Variants in ZFHX3 observed in about 807,000 individuals in gnomAD.
ZFHX3 encodes zinc finger homeobox protein 3.
Under a neutral mutation model 279.1 loss-of-function variants are expected in ZFHX3, and 42 were observed. That is an observed-to-expected ratio of 0.15 (90% CI 0.12 to 0.19). The LOEUF (loss-of-function observed/expected upper bound fraction) is 0.19, where lower values mean the gene tolerates loss of function less well. ZFHX3 is among the 10% of genes least tolerant of loss of function. The pLI is 1.00. For missense variants in ZFHX3, 4,981 were observed against 4,754.0 expected (o/e 1.05, Z -1.40); for synonymous variants, 2,293 against 1,957.8 (o/e 1.17, Z -4.52).
At chr16:73,408,007 C>T (rs2017395370) in intron 3 of ZFHX3, among the ~76,000 whole-genome samples, 1 of 151,866 alleles carries the variant, frequency 6.6e-6, no homozygotes, top group Non-Finnish European at 1.5e-5. Context: ...AGACTTGGAC[C>T]CCTGGGGAGG....
At chr16:73,494,148 T>C (rs1012781969) in intron 2 of ZFHX3, among the ~76,000 whole-genome samples, 2 of 152,170 alleles carry the variant, frequency 1.3e-5, no homozygotes, top group African/African-American at 4.8e-5. Context: ...AAACTTTGTG[T>C]CTGATCAAGT....
At chr16:73,034,294 A>C (rs1250014433) in intron 1 of ZFHX3, among the ~76,000 whole-genome samples, 2 of 152,128 alleles carry the variant, frequency 1.3e-5, no homozygotes, top group Non-Finnish European at 2.9e-5. Flanking sequence ...AGAAAGCAGA[A>C]ATCCAAATAA....
At chr16:73,010,302 T>C (rs1213534038) in intron 1 of ZFHX3, among the ~76,000 whole-genome samples, 3 of 152,010 alleles carry the variant, frequency 2.0e-5, no homozygotes, top group Admixed American at 6.5e-5. Context: ...AGTTCAAGAC[T>C]CTGCACCGTT....
At chr16:73,766,027 C>T (rs1162585787) in intron 1 of ZFHX3, among the ~76,000 whole-genome samples, 1 of 152,142 alleles carries the variant, frequency 6.6e-6, no homozygotes, top group African/African-American at 2.4e-5. Context: ...AACTCCTGAC[C>T]TATCTAGTCC....
At chr16:73,643,083 A>G (rs2052588043) in intron 2 of ZFHX3, among the ~76,000 whole-genome samples, 1 of 152,228 alleles carries the variant, frequency 6.6e-6, no homozygotes, top group African/African-American at 2.4e-5. Flanking sequence ...TGCTAAGCAT[A>G]AGAGATTTTG....
chr16:73,626,537 A>G (rs74864954), intron 2 of ZFHX3, among the ~76,000 whole-genome samples: 5,862 of 152,280 alleles, frequency 0.038, 393 homozygotes, highest in African/African-American at 0.13. Context: ...CATTTGATCA[A>G]TGACCTCCAG....
intron 1 of ZFHX3, among the ~76,000 whole-genome samples, chr16:73,699,287 T>C (rs1018699154): frequency 2.0e-5 from 3 of 152,166 alleles, no homozygotes; most frequent in African/African-American, 7.2e-5. Context: ...ACGTTACAAC[T>C]TTTCTCTAAG....
intron 4 of ZFHX3, among the ~76,000 whole-genome samples, chr16:73,270,084 A>T (rs2014099139): frequency 6.6e-6 from 1 of 152,136 alleles, no homozygotes; most frequent in Admixed American, 6.6e-5. Flanking sequence ...GCTATCAGCA[A>T]CATATGCAAA....
chr16:73,128,686 A>G (rs1966616102), intron 7 of ZFHX3, among the ~76,000 whole-genome samples: 1 of 152,172 alleles, frequency 6.6e-6, no homozygotes, highest in Non-Finnish European at 1.5e-5. Flanking sequence ...TTACCATTTT[A>G]TACTCCCTAT....
chr16:72,883,721 A>C (rs928174709), intron 4 of ZFHX3, among the ~76,000 whole-genome samples: 1 of 152,206 alleles, frequency 6.6e-6, no homozygotes, highest in Non-Finnish European at 1.5e-5. Flanking sequence ...GTCCTTCATC[A>C]GGGAATGTCC....
At chr16:73,364,368 G>A (rs1433014001) in intron 3 of ZFHX3, among the ~76,000 whole-genome samples, 1 of 148,898 alleles carries the variant, frequency 6.7e-6, no homozygotes. Context: ...CTATAATATT[G>A]TAATATTATA....
intron 3 of ZFHX3, among the ~76,000 whole-genome samples, chr16:73,350,612 C>T (rs930897817): frequency 1.3e-5 from 2 of 152,184 alleles, no homozygotes; most frequent in African/African-American, 4.8e-5. Flanking sequence ...AGAGAGTTGG[C>T]CCTATGTGGG....
intron 1 of ZFHX3, among the ~76,000 whole-genome samples, chr16:73,023,375 G>A (rs1299687202): frequency 6.6e-6 from 1 of 152,194 alleles, no homozygotes. Context: ...CCCCTTAGGA[G>A]CCTGCTGTCA....
intron 3 of ZFHX3, among the ~76,000 whole-genome samples, chr16:72,890,706 A>C (rs538227586): frequency 3.3e-5 from 5 of 152,288 alleles, no homozygotes; most frequent in African/African-American, 9.6e-5. Context: ...TTATTCTCTA[A>C]AGTGTCCTGC....
chr16:73,535,884 G>A (rs903237244), intron 2 of ZFHX3, among the ~76,000 whole-genome samples: 7 of 151,888 alleles, frequency 4.6e-5, no homozygotes, highest in African/African-American at 1.2e-4. Flanking sequence ...CACTATGCCC[G>A]GCTAATTTTT....
intron 4 of ZFHX3, among the ~76,000 whole-genome samples, chr16:73,263,270 T>C (rs1481072933): frequency 2.0e-5 from 3 of 151,976 alleles, no homozygotes; most frequent in South Asian, 4.2e-4. Context: ...AGCCTCAACC[T>C]CTTAGGTTCA....
chr16:73,769,085 A>G (rs7206745), intron 1 of ZFHX3, among the ~76,000 whole-genome samples: 7,151 of 152,148 alleles, frequency 0.047, 420 homozygotes, highest in African/African-American at 0.14. Flanking sequence ...GGCATCCTGT[A>G]TTTTTACTTG....
At chr16:73,540,087 T>G (rs986656608) in intron 2 of ZFHX3, among the ~76,000 whole-genome samples, 1 of 152,230 alleles carries the variant, frequency 6.6e-6, no homozygotes, top group Non-Finnish European at 1.5e-5. Flanking sequence ...AGAAGGAGAA[T>G]GTTGGAGCTC....
intron 4 of ZFHX3, among the ~76,000 whole-genome samples, chr16:72,854,938 T>TG (rs373623618): frequency 0.58 from 42,787 of 73,502 alleles, 10,778 homozygotes; most frequent in African/African-American, 0.6. Flanking sequence ...AATTGGTGGG[T>TG]GGGGGGGGGG....
Sources: gnomAD v4.1 joint callset for allele counts (sites outside exome capture counted in the v4.1 genomes callset) on GRCh38, gnomAD v4.1.1 for gene constraint, MANE v1.5 for transcripts, NCBI Gene and HGNC (gene_info 2026-07-23, HGNC 2026-07-21) for gene names.